CFAP299: variants seen among roughly 807,000 people sequenced by gnomAD.
The protein encoded by CFAP299 is cilia and flagella associated protein 299.
Under a neutral mutation model 27.0 loss-of-function variants are expected in CFAP299, and 21 were observed. The observed-to-expected ratio is 0.78, with a 90% CI of 0.55 to 1.12. CFAP299 has a LOEUF of 1.12. Ranked by LOEUF, CFAP299 falls within the 50% of genes most tolerant of loss-of-function variation. CFAP299 has a pLI of 0.00. For synonymous variants in CFAP299, 104 were observed against 98.1 expected (o/e 1.06, Z -0.36); for missense variants, 310 against 276.6 (o/e 1.12, Z -0.86).
chr4:80,642,859 C>T (rs1348627512), intron 3 of CFAP299, among the ~76,000 whole-genome samples: 1 of 152,052 alleles, frequency 6.6e-6, no homozygotes, highest in Non-Finnish European at 1.5e-5. Flanking sequence ...CTGGGGTATT[C>T]AGCAGTTCAC....
At chr4:80,776,181 G>A (rs1470310049) in intron 3 of CFAP299, among the ~76,000 whole-genome samples, 5 of 152,104 alleles carry the variant, frequency 3.3e-5, no homozygotes, top group Admixed American at 6.6e-5. Flanking sequence ...GTGATTAAGA[G>A]CAGGAGCATA....
chr4:80,925,589 T>C (rs901095398), intron 4 of CFAP299, among the ~76,000 whole-genome samples: 3 of 152,054 alleles, frequency 2.0e-5, no homozygotes, highest in Non-Finnish European at 4.4e-5. Context: ...TAGAGATATA[T>C]GATACTGACA....
chr4:80,902,586 T>TACACACACACACACAC lies in CFAP299; in HGVS notation c.476+32476_476+32491dup, dbSNP rs3038572. ...ATTTTATCCATATATATGTAATATATACACACACACACACACACACACACA... is the reference window on the plus strand; with the variant it reads ...ATTTTATCCATATATATGTAATATATACACACACACACACACACACACACACACACACACACACACA... On this transcript the variant is annotated intron_variant, in intron 4 of 5. Coordinates refer to ENST00000358105, the MANE Select transcript of CFAP299 (RefSeq NM_152770.3). Among the ~76,000 whole-genome samples the TACACACACACACACAC allele has an allele frequency of 2.3e-4, 29 of 126,694 alleles. No individual in the cohort carries two copies. In the East Asian group the frequency reaches 6.0e-3, roughly 26 times the overall value. 83.1% of individuals were successfully genotyped at this position (126,694 alleles called of 152,430 possible).
intron 3 of CFAP299, among the ~76,000 whole-genome samples, chr4:80,729,078 A>AG (rs1723329090): frequency 1.3e-5 from 2 of 152,132 alleles, no homozygotes; most frequent in Non-Finnish European, 1.5e-5. Flanking sequence ...TTCTACCCTA[A>AG]GTATGTATCT....
intron 2 of CFAP299, among the ~76,000 whole-genome samples, chr4:80,415,981 G>T (rs1328321203): frequency 6.6e-6 from 1 of 152,190 alleles, no homozygotes; most frequent in Non-Finnish European, 1.5e-5. Flanking sequence ...ATTAGAGCAG[G>T]TTGAGTATTC....
At chr4:80,925,275 G>C (rs1419574719) in intron 4 of CFAP299, among the ~76,000 whole-genome samples, 1 of 151,744 alleles carries the variant, frequency 6.6e-6, no homozygotes, top group African/African-American at 2.4e-5. Flanking sequence ...TATCTTCCTA[G>C]GGTTCATCAT....
intron 3 of CFAP299, among the ~76,000 whole-genome samples, chr4:80,751,916 G>A (rs998516984): frequency 2.0e-5 from 3 of 152,140 alleles, no homozygotes; most frequent in Non-Finnish European, 4.4e-5. Context: ...ATGGACGGAT[G>A]TATTTCCTGC....
At chr4:80,830,315 C>T (rs1463374010) in intron 3 of CFAP299, among the ~76,000 whole-genome samples, 1 of 152,012 alleles carries the variant, frequency 6.6e-6, no homozygotes, top group Non-Finnish European at 1.5e-5. Flanking sequence ...TGATAGGGAA[C>T]AGGTCCCTTT....
At chr4:80,811,916 TAATA>T (rs1268553942) in intron 3 of CFAP299, among the ~76,000 whole-genome samples, 3 of 151,120 alleles carry the variant, frequency 2.0e-5, no homozygotes, top group Non-Finnish European at 4.4e-5. Context: ...TGAGAAGAGG[TAATA>T]AATACATAAA....
Position 80,646,986 on chromosome 4 carries a change from AGAGTGTGTGTGT to A in CFAP299, c.333+63805_333+63816del, listed in dbSNP as rs1324809338. The stretch of plus-strand genomic sequence containing the variant: ...AATTCTTTGAGAGAGAGAGAGAGAG[AGAGTGTGTGTGT>A]GTGTGTGTGTGTGTGTGTGTATTTT... On this transcript the variant is annotated intron_variant, in intron 3 of 5. Coordinates refer to ENST00000358105, the MANE Select transcript of CFAP299 (RefSeq NM_152770.3). Among the ~76,000 whole-genome samples, 306 of 49,182 alleles carry A rather than the reference AGAGTGTGTGTGT, an allele frequency of 6.2e-3. 4 individuals are homozygous for A. Among genetic ancestry groups the A allele is most frequent in the African/African-American group, 8.1e-3 (166 of 20,504 alleles). 32.3% of individuals were successfully genotyped at this position (49,182 alleles called of 152,430 possible). A position where few individuals can be genotyped will look rare whatever the true frequency, so the allele number is the denominator to read the frequency against.
chr4:80,515,800 T>G (rs2110168747), intron 2 of CFAP299, among the ~76,000 whole-genome samples: 1 of 152,306 alleles, frequency 6.6e-6, no homozygotes, highest in South Asian at 2.1e-4. Flanking sequence ...TAACAATATT[T>G]TAGAAATCTC....
rs1738426730 is a variant in CFAP299, at chr4:80,963,094, A to ATGT, written c.607-423_607-422insTGT. Among the ~76,000 whole-genome samples, 3 of 152,232 alleles carry ATGT rather than the reference A, an allele frequency of 2.0e-5. No homozygotes were observed. In the East Asian group the frequency reaches 5.8e-4, roughly 29 times the overall value. ...TTTATGTAAAACCCACCATGGACAG[A>ATGT]CACTTCCACTGATCTAAATCAATCC... On this transcript the variant is annotated intron_variant, in intron 5 of 5. Coordinates refer to ENST00000358105, the MANE Select transcript of CFAP299 (RefSeq NM_152770.3).
chr4:80,866,957 A>G (rs927505758), intron 3 of CFAP299, among the ~76,000 whole-genome samples: 1 of 152,212 alleles, frequency 6.6e-6, no homozygotes, highest in Non-Finnish European at 1.5e-5. Flanking sequence ...GTATTAGCTT[A>G]TGATAAACAC....
At chr4:80,939,109 C>T (rs1199354448) in intron 4 of CFAP299, among the ~76,000 whole-genome samples, 1 of 152,136 alleles carries the variant, frequency 6.6e-6, no homozygotes, top group South Asian at 2.1e-4. Context: ...TTCCCTCTGT[C>T]TTTGACTTTT....
At chr4:80,520,008 GA>G (rs1732824973) in intron 2 of CFAP299, among the ~76,000 whole-genome samples, 1 of 152,114 alleles carries the variant, frequency 6.6e-6, no homozygotes, top group African/African-American at 2.4e-5. Context: ...AGCTATACAA[GA>G]GAGGCTTTCT....
At chr4:80,895,671 G>C (rs1030713393) in intron 4 of CFAP299, among the ~76,000 whole-genome samples, 1 of 151,958 alleles carries the variant, frequency 6.6e-6, no homozygotes, top group Non-Finnish European at 1.5e-5. Flanking sequence ...CTGTCCCAAA[G>C]AGATTTCAAT....
At chr4:80,798,671 G>T (rs1038145930) in intron 3 of CFAP299, among the ~76,000 whole-genome samples, 1 of 152,024 alleles carries the variant, frequency 6.6e-6, no homozygotes, top group Admixed American at 6.6e-5. Context: ...CTCAGTATCT[G>T]CTTCTAAAGC....
intron 3 of CFAP299, among the ~76,000 whole-genome samples, chr4:80,811,267 C>T (rs1729139955): frequency 6.6e-6 from 1 of 152,054 alleles, no homozygotes. Flanking sequence ...AAATTTATTT[C>T]TAAAAGAAAT....
chr4:80,392,475 C>T (rs1725537581), intron 2 of CFAP299, among the ~76,000 whole-genome samples: 1 of 152,130 alleles, frequency 6.6e-6, no homozygotes, highest in Non-Finnish European at 1.5e-5. Context: ...GTGATTACAT[C>T]AAGGGAGTGG....
Sources: gnomAD v4.1 joint callset for allele counts (sites outside exome capture counted in the v4.1 genomes callset) on GRCh38, gnomAD v4.1.1 for gene constraint, MANE v1.5 for transcripts, NCBI Gene and HGNC (gene_info 2026-07-23, HGNC 2026-07-21) for gene names.